KMT2C: variants seen among roughly 807,000 people sequenced by gnomAD.
KMT2C encodes histone-lysine N-methyltransferase 2C.
Under a neutral mutation model 507.9 loss-of-function variants are expected in KMT2C, and 88 were observed. The observed-to-expected ratio is 0.17, with a 90% CI of 0.15 to 0.21. The LOEUF (loss-of-function observed/expected upper bound fraction) is 0.21. KMT2C is among the 10% of genes least tolerant of loss of function. The pLI is 1.00. For synonymous variants in KMT2C, 2,049 were observed against 2,080.8 expected (o/e 0.98, Z 0.42); for missense variants, 4,954 against 5,957.8 (o/e 0.83, Z 5.55).
At position 152,176,341 on chromosome 7, in the gene KMT2C, C is replaced by A. The variant is rs1469666421; in HGVS notation, c.9112G>T (p.Ala3038Ser). The A allele has an allele frequency of 1.2e-6, 2 of 1,613,978 alleles. No individual in the cohort carries two copies. Among genetic ancestry groups the A allele is most frequent in the Non-Finnish European group, 1.7e-6 (2 of 1,180,034 alleles). ...PQQLMIPQTLAQQNRERPLLL... is the reference protein window; with the variant it reads ...PQQLMIPQTLSQQNRERPLLL... ...AGGGGCCTCTCTCTATTCTGCTGTG[C>A]TAATGTTTGAGGAATCATTAGCTGT... Residue 3038 changes from alanine (A) to serine (S), a missense_variant, in exon 38 of 59, where the codon GCA (alanine) becomes TCA (serine). Coordinates refer to ENST00000262189, the MANE Select transcript of KMT2C (RefSeq NM_170606.3).
intron 3 of KMT2C, among the ~76,000 whole-genome samples, chr7:152,329,475 T>G (rs1589228041): frequency 6.6e-6 from 1 of 150,986 alleles, no homozygotes. Context: ...GAGGCTAAGG[T>G]GGGAGGATCA....
At chr7:152,306,410 T>TC (rs1436616694) in intron 6 of KMT2C, among the ~76,000 whole-genome samples, 1 of 152,156 alleles carries the variant, frequency 6.6e-6, no homozygotes, top group African/African-American at 2.4e-5. Context: ...TCCCTTCTTC[T>TC]CCCTCCCACT....
rs35698920 is a variant in KMT2C at position 152,271,673 on chromosome 7, C to CAAA, written c.1012+2029_1012+2031dup. ...AGAGTGACAGTGCGAGACTCCATCT[C>CAAA]AAAAAAAAAAAAAAAAAAAAAACCC... On this transcript the variant is annotated intron_variant, in intron 7 of 58. Transcript: ENST00000262189. 1.2e-3 allele frequency among the ~76,000 whole-genome samples: 66 copies of CAAA among 54,728 alleles called. 1 individual carries two copies. The highest frequency in any genetic ancestry group is 3.3e-3 in the African/African-American group (51 of 15,664). The allele number at this position is 54,728 out of a possible 152,430, so 35.9% of individuals were successfully genotyped here.
At position 152,164,579 on chromosome 7, in the gene KMT2C, G is replaced by A. The variant is rs532554351; in HGVS notation, c.9751-753C>T. ...GCTGGGATTACAGGCGTGAGCCACT[G>A]CGCCCGGCCTGTACAACATTTTAAG... On this transcript the variant is annotated intron_variant, in intron 42 of 58. Coordinates refer to ENST00000262189, the MANE Select transcript of KMT2C (RefSeq NM_170606.3). Among the ~76,000 whole-genome samples the A allele has an allele frequency of 5.3e-5, 8 of 152,246 alleles. No individual in the cohort carries two copies. The East Asian group carries it at 9.6e-4, about 18-fold the overall frequency.
intron 2 of KMT2C, among the ~76,000 whole-genome samples, chr7:152,353,418 G>T (rs1459468100): frequency 6.6e-6 from 1 of 152,006 alleles, no homozygotes; most frequent in Non-Finnish European, 1.5e-5. Flanking sequence ...ACCAAATGAG[G>T]TTTCTTATTA....
chr7:152,212,466 G>A (rs192553643), intron 23 of KMT2C, among the ~76,000 whole-genome samples: 41 of 152,284 alleles, frequency 2.7e-4, no homozygotes, highest in African/African-American at 6.3e-4. Context: ...AGAAAAAAGC[G>A]GGTAAAATTA....
intron 9 of KMT2C, among the ~76,000 whole-genome samples, chr7:152,255,151 A>G (rs1381351725): frequency 1.5e-5 from 2 of 134,354 alleles, no homozygotes; most frequent in South Asian, 2.3e-4. Context: ...ATATACATAT[A>G]TATATATGTG....
At chr7:152,197,475 T>C (rs1038105653) in intron 27 of KMT2C, among the ~76,000 whole-genome samples, 1 of 152,200 alleles carries the variant, frequency 6.6e-6, no homozygotes, top group South Asian at 2.1e-4. Context: ...TTTCAAAATG[T>C]AATTCATATG....
intron 9 of KMT2C, among the ~76,000 whole-genome samples, chr7:152,258,012 G>T (rs1031012501): frequency 2.0e-5 from 3 of 152,154 alleles, no homozygotes; most frequent in African/African-American, 7.2e-5. Flanking sequence ...GTATACACAC[G>T]CATGTATTTC....
At chr7:152,384,869 T>A (rs2097409147) in intron 1 of KMT2C, among the ~76,000 whole-genome samples, 1 of 152,312 alleles carries the variant, frequency 6.6e-6, no homozygotes, top group Non-Finnish European at 1.5e-5. Context: ...ATGGAAACTT[T>A]TCTTTTTATA....
rs1180140852 is a variant in KMT2C at position 152,208,393 on chromosome 7, T to C, written c.3713-965A>G. On this transcript the variant is annotated intron_variant, in intron 23 of 58. Coordinates refer to ENST00000262189, the MANE Select transcript of KMT2C (RefSeq NM_170606.3). ...AATTCCTGATATTTAGAAAAGATTA[T>C]GTCAAACAGTTGTATGCTCCTATGT... is the stretch of plus-strand genomic sequence containing the variant. 2.0e-5 allele frequency among the ~76,000 whole-genome samples: 3 copies of C among 152,382 alleles called. No homozygotes were observed. The East Asian group carries it at 5.8e-4, about 29-fold the overall frequency.
intron 1 of KMT2C, among the ~76,000 whole-genome samples, chr7:152,388,685 T>C (rs2097457694): frequency 6.6e-6 from 1 of 152,306 alleles, no homozygotes; most frequent in African/African-American, 2.4e-5. Flanking sequence ...AAAAACACAA[T>C]ATATTAAAAT....
At chr7:152,348,725 G>A (rs2097085529) in intron 2 of KMT2C, among the ~76,000 whole-genome samples, 1 of 151,020 alleles carries the variant, frequency 6.6e-6, no homozygotes, top group South Asian at 2.1e-4. Flanking sequence ...CACATTATAT[G>A]TTATCAGGGA....
chr7:152,259,629 AAC>A (rs2095734408), intron 9 of KMT2C, among the ~76,000 whole-genome samples: 1 of 152,224 alleles, frequency 6.6e-6, no homozygotes. Flanking sequence ...ACTTTCTAAA[AAC>A]ACATAACATA....
chr7:152,343,028 A>G (rs915078836), intron 2 of KMT2C, among the ~76,000 whole-genome samples: 3 of 152,108 alleles, frequency 2.0e-5, no homozygotes, highest in Non-Finnish European at 4.4e-5. Context: ...GGCCCACCAC[A>G]TTACTACAGG....
In KMT2C at chr7:152,135,438, AAC is replaced by A. The variant is rs2089798605; in HGVS notation, c.*1392_*1393del. 4.6e-6 allele frequency: 1 copy of A among 219,234 alleles called. No individual in the cohort carries two copies. Among genetic ancestry groups the A allele is most frequent in the Non-Finnish European group, 9.2e-6 (1 of 109,082 alleles). The allele number at this position is 219,234 out of a possible 1,614,324, so 13.6% of individuals were successfully genotyped here. A position where few individuals can be genotyped will look rare whatever the true frequency, so the allele number is the denominator to read the frequency against. On this transcript the variant is annotated 3_prime_UTR_variant, in exon 59 of 59. Transcript: ENST00000262189. Reference sequence around the variant, plus strand: ...GAAATGTAAACAAACAGTTCATACAAACACATTTTAAAATTACATCTTCCAAA... The same window carrying A: ...GAAATGTAAACAAACAGTTCATACAAACATTTTAAAATTACATCTTCCAAA...
chr7:152,154,003 C>G lies in KMT2C; in HGVS notation c.12276+7G>C. The stretch of plus-strand genomic sequence containing the variant: ...GTTTAACATTAAGAAGTCATTTAAT[C>G]TTTTACCTCAGCAGCTGTAGGATGC... On this transcript the variant is annotated splice_region_variant and intron_variant, in intron 48 of 58. Coordinates refer to ENST00000262189, the MANE Select transcript of KMT2C (RefSeq NM_170606.3). 1 of 1,612,798 alleles carries G rather than the reference C, an allele frequency of 6.2e-7. No homozygotes were observed. Among genetic ancestry groups the G allele is most frequent in the Non-Finnish European group, 8.5e-7 (1 of 1,179,586 alleles).
chr7:152,161,218 C>G (rs1334436515), intron 43 of KMT2C, among the ~76,000 whole-genome samples: 2 of 152,154 alleles, frequency 1.3e-5, no homozygotes, highest in Non-Finnish European at 2.9e-5. Context: ...AGTCAACACT[C>G]AATCTCTACT....
intron 1 of KMT2C, among the ~76,000 whole-genome samples, chr7:152,389,597 A>G (rs1051159484): frequency 4.7e-4 from 72 of 152,068 alleles, no homozygotes; most frequent in African/African-American, 1.7e-3. Flanking sequence ...ATGCACCACC[A>G]TACCTGGCTA....
Sources: allele counts gnomAD v4.1 joint callset (sites outside exome capture counted in the v4.1 genomes callset), GRCh38; gene constraint gnomAD v4.1.1; transcripts MANE v1.5; gene names NCBI Gene and HGNC (gene_info 2026-07-23, HGNC 2026-07-21).